CAP2: variants seen among roughly 807,000 people sequenced by gnomAD.
The protein encoded by CAP2 is cyclase associated actin cytoskeleton regulatory protein 2, also known as adenylyl cyclase-associated protein 2.
CAP2 carries 24 observed loss-of-function variants against 57.7 expected under a neutral mutation model. The observed-to-expected ratio is 0.42, with a 90% CI of 0.30 to 0.58. The LOEUF (loss-of-function observed/expected upper bound fraction) is 0.58, where lower values mean the gene tolerates loss of function less well. CAP2 is among the 20% of genes least tolerant of loss of function. CAP2 has a pLI of 0.22. For synonymous variants in CAP2, 194 were observed against 207.2 expected, an observed-to-expected ratio of 0.94 and a Z score of 0.55; for missense variants, 501 against 590.3, an observed-to-expected ratio of 0.85 and a Z score of 1.57.
chr6:17,495,695 C>T lies in CAP2; in HGVS notation c.301-11474C>T, dbSNP rs115435524. Among the ~76,000 whole-genome samples, 89 of 152,098 alleles carry T rather than the reference C, an allele frequency of 5.9e-4. 1 individual carries two copies. The highest frequency in any genetic ancestry group is 1.9e-3 in the African/African-American group (80 of 41,468). On this transcript the variant is annotated intron_variant, in intron 4 of 12. Coordinates refer to ENST00000229922, the MANE Select transcript of CAP2 (RefSeq NM_006366.3). ...CAAAGAAGCATCTCAGCTCAAGACT[C>T]GAAGATGAAAGTTCATTGGCCGTGA...
At chr6:17,449,318 T>G (rs923076125) in intron 3 of CAP2, among the ~76,000 whole-genome samples, 10 of 152,206 alleles carry the variant, frequency 6.6e-5, no homozygotes, top group Admixed American at 3.3e-4. Context: ...TTATAATCAT[T>G]TAAAAAATTA....
chr6:17,450,914 T>C (rs1345155758), intron 3 of CAP2, among the ~76,000 whole-genome samples: 3 of 152,214 alleles, frequency 2.0e-5, no homozygotes, highest in Admixed American at 2.0e-4. Flanking sequence ...TCAACTGTGA[T>C]TTGGTTGGTA....
intron 8 of CAP2, among the ~76,000 whole-genome samples, chr6:17,540,764 A>G (rs770318861): frequency 2.0e-5 from 3 of 152,156 alleles, no homozygotes; most frequent in Non-Finnish European, 4.4e-5. Flanking sequence ...AAAAACAACA[A>G]CAACAACAAC....
chr6:17,430,144 T>C (rs552809876), intron 3 of CAP2, among the ~76,000 whole-genome samples: 2 of 152,330 alleles, frequency 1.3e-5, no homozygotes, highest in African/African-American at 2.4e-5. Context: ...TGTTGGCTGC[T>C]GGTTGGGCTT....
At chr6:17,449,412 TA>T (rs201115280) in intron 3 of CAP2, among the ~76,000 whole-genome samples, 9 of 151,972 alleles carry the variant, frequency 5.9e-5, no homozygotes, top group African/African-American at 1.9e-4. Flanking sequence ...TTATTATTAT[TA>T]TTTTTTTTTT....
At chr6:17,423,575 C>T (rs906836208) in intron 2 of CAP2, among the ~76,000 whole-genome samples, 3 of 151,452 alleles carry the variant, frequency 2.0e-5, no homozygotes, top group African/African-American at 7.3e-5. Context: ...ATACACAAAA[C>T]AAAGTTAAAA....
At chr6:17,408,182 C>T (rs1759036516) in intron 1 of CAP2, among the ~76,000 whole-genome samples, 1 of 152,040 alleles carries the variant, frequency 6.6e-6, no homozygotes, top group African/African-American at 2.4e-5. Flanking sequence ...GTTCTGCAGG[C>T]TGTACAAGAA....
Position 17,556,718 on chromosome 6 carries a change from C to T in CAP2, c.*276C>T. 1 of 404,774 alleles carries T rather than the reference C, an allele frequency of 2.5e-6. No homozygotes were observed. The highest frequency in any genetic ancestry group is 3.9e-5 in the Admixed American group (1 of 25,502). The allele number at this position is 404,774 out of a possible 1,614,324, so 25.1% of individuals were successfully genotyped here. Reference sequence around the variant, plus strand: ...AGGAAAAAAAAAAAGAATTCTGTTCCCCTCATATCATGAACACAGTAACTG... The same window carrying T: ...AGGAAAAAAAAAAAGAATTCTGTTCTCCTCATATCATGAACACAGTAACTG... On this transcript the variant is annotated 3_prime_UTR_variant, in exon 13 of 13. Coordinates refer to ENST00000229922, the MANE Select transcript of CAP2 (RefSeq NM_006366.3).
intron 3 of CAP2, among the ~76,000 whole-genome samples, chr6:17,441,606 C>G (rs900700282): frequency 6.7e-6 from 1 of 148,376 alleles, no homozygotes; most frequent in African/African-American, 2.6e-5. Flanking sequence ...ACCTCAGCCT[C>G]CTGAATAGCT....
rs142931025 is a variant in CAP2 at position 17,444,804 on chromosome 6, CCACACACA to C, written c.222+18147_223-18152del. Among the ~76,000 whole-genome samples, 328 of 140,512 alleles carry C rather than the reference CCACACACA, an allele frequency of 2.3e-3. 4 individuals carry two copies. The highest frequency in any genetic ancestry group is 7.0e-3 in the African/African-American group (263 of 37,600). 92.2% of individuals were successfully genotyped at this position (140,512 alleles called of 152,430 possible). A position where few individuals can be genotyped will look rare whatever the true frequency, so the allele number is the denominator to read the frequency against. Reference sequence around the variant, plus strand: ...TCTGTAGATTTTTGTTTCTCTCTCTCCACACACACACACACACACACACACACACACAC... The same window carrying C: ...TCTGTAGATTTTTGTTTCTCTCTCTCCACACACACACACACACACACACAC... On this transcript the variant is annotated intron_variant, in intron 3 of 12. Coordinates refer to ENST00000229922, the MANE Select transcript of CAP2 (RefSeq NM_006366.3).
chr6:17,507,128 T>G, intron 4 of CAP2, 41 bp from the exon 5 acceptor site: 3 of 1,612,604 alleles, frequency 1.9e-6, no homozygotes, highest in Non-Finnish European at 2.5e-6. Flanking sequence ...ATGCGTCTGC[T>G]CTGTCTGTAG....
At chr6:17,489,247 C>T (rs1761492459) in intron 4 of CAP2, among the ~76,000 whole-genome samples, 1 of 152,168 alleles carries the variant, frequency 6.6e-6, no homozygotes, top group Non-Finnish European at 1.5e-5. Flanking sequence ...GCCTGGTCAA[C>T]ATGGTGAAAC....
At chr6:17,440,507 T>G (rs372446649) in intron 3 of CAP2, among the ~76,000 whole-genome samples, 1 of 151,526 alleles carries the variant, frequency 6.6e-6, no homozygotes, top group South Asian at 2.1e-4. Flanking sequence ...TATTTACTAT[T>G]ACCTTTAAGA....
intron 3 of CAP2, among the ~76,000 whole-genome samples, chr6:17,428,663 T>C (rs1759650277): frequency 6.6e-6 from 1 of 150,538 alleles, no homozygotes; most frequent in Non-Finnish European, 1.5e-5. Context: ...TTGGGAGATA[T>C]ACCTAATGCT....
At chr6:17,418,739 A>G (rs1436978388) in intron 1 of CAP2, among the ~76,000 whole-genome samples, 1 of 152,128 alleles carries the variant, frequency 6.6e-6, no homozygotes, top group Non-Finnish European at 1.5e-5. Flanking sequence ...GGGAACATAG[A>G]TAACTGTGAA....
At chr6:17,533,817 C>T (rs1238299987) in intron 7 of CAP2, among the ~76,000 whole-genome samples, 1 of 152,090 alleles carries the variant, frequency 6.6e-6, no homozygotes, top group Non-Finnish European at 1.5e-5. Flanking sequence ...CCACCCACCT[C>T]GGCCTCCCAA....
At chr6:17,508,920 G>C (rs1019852008) in intron 6 of CAP2, among the ~76,000 whole-genome samples, 5 of 151,962 alleles carry the variant, frequency 3.3e-5, no homozygotes, top group African/African-American at 9.7e-5. Flanking sequence ...ACCACGCCCA[G>C]CTAATTTTTG....
chr6:17,433,941 C>T (rs1219059127), intron 3 of CAP2, among the ~76,000 whole-genome samples: 6 of 152,088 alleles, frequency 3.9e-5, no homozygotes, highest in African/African-American at 1.2e-4. Flanking sequence ...CTTTGGGGAC[C>T]GGCCAGTAAG....
At chr6:17,479,987 A>G (rs1021511175) in intron 4 of CAP2, among the ~76,000 whole-genome samples, 3 of 151,940 alleles carry the variant, frequency 2.0e-5, no homozygotes, top group Admixed American at 1.3e-4. Context: ...GAGAAGAAAA[A>G]CAATCCCACC....
Sources: allele counts gnomAD v4.1 joint callset (sites outside exome capture counted in the v4.1 genomes callset), GRCh38; gene constraint gnomAD v4.1.1; transcripts MANE v1.5; gene names NCBI Gene and HGNC (gene_info 2026-07-23, HGNC 2026-07-21).